ASH1L: variants seen among roughly 807,000 people sequenced by gnomAD.
The protein encoded by ASH1L is histone-lysine N-methyltransferase ASH1L.
ASH1L carries 23 observed loss-of-function variants against 269.0 expected under a neutral mutation model. The ratio of observed to expected loss-of-function variants is 0.09; its 90% confidence interval spans 0.06 to 0.12. The LOEUF (loss-of-function observed/expected upper bound fraction) is 0.12. ASH1L is among the 10% of genes least tolerant of loss of function. ASH1L has a pLI of 1.00. For synonymous variants in ASH1L, 1,187 were observed against 1,253.5 expected (o/e 0.95, Z 1.12); for missense variants, 2,912 against 3,567.8 (o/e 0.82, Z 4.68).
rs185392232 is a variant in ASH1L, at chr1:155,349,532, G to T, written c.7421+10C>A. 4.5e-3 allele frequency: 7,314 copies of T among 1,614,044 alleles called. 24 individuals are homozygous for T. The highest frequency in any genetic ancestry group is 5.0e-3 in the Non-Finnish European group (5,910 of 1,180,000). On this transcript the variant is annotated intron_variant, in intron 18 of 27. Transcript: ENST00000392403. ...AAAAACTCAGATGATTCCCACAAAT[G>T]TGAACCTACTTTTTCTTTGGGGGAA...
chr1:155,441,320 C>T (rs926262221), intron 4 of ASH1L, among the ~76,000 whole-genome samples: 11 of 151,800 alleles, frequency 7.2e-5, no homozygotes, highest in African/African-American at 2.2e-4. Context: ...ACCCCGGCCC[C>T]GCCACAAGCC....
Position 155,562,356 on chromosome 1 carries a change from G to A in ASH1L, c.-303C>T, listed in dbSNP as rs540065846. 3.9e-6 allele frequency: 6 copies of A among 1,532,924 alleles called. No homozygotes were observed. The highest frequency in any genetic ancestry group is 1.4e-5 in the African/African-American group (1 of 73,196). 95.0% of individuals were successfully genotyped at this position (1,532,924 alleles called of 1,614,324 possible). On this transcript the variant is annotated 5_prime_UTR_variant, in exon 1 of 28. Coordinates refer to ENST00000392403, the MANE Select transcript of ASH1L (RefSeq NM_018489.3). The stretch of plus-strand genomic sequence containing the variant: ...GAAGGCTAAAGGGGGCAAACTGAGG[G>A]GAGGCGGGTCCCGCAACCGAGACTG...
At position 155,360,451 on chromosome 1, in the gene ASH1L, T is replaced by G. The variant is rs764446695; in HGVS notation, c.6687-42A>C. 3 of 1,404,656 alleles carry G rather than the reference T, an allele frequency of 2.1e-6. No individual in the cohort carries two copies. The African/African-American group carries it at 4.3e-5, about 20-fold the overall frequency. The allele number at this position is 1,404,656 out of a possible 1,614,324, so 87.0% of individuals were successfully genotyped here. On this transcript the variant is annotated intron_variant, in intron 12 of 27. Coordinates refer to ENST00000392403, the MANE Select transcript of ASH1L (RefSeq NM_018489.3). ...CAGAGTTATAAAGGCTGGAAATTTT[T>G]TTTTTTTTTTGAGACGGAGTCTCCC...
At chr1:155,340,444 G>A (rs1396803607) in intron 25 of ASH1L, among the ~76,000 whole-genome samples, 1 of 152,098 alleles carries the variant, frequency 6.6e-6, no homozygotes, top group African/African-American at 2.4e-5. Context: ...GCCTCCCAAA[G>A]TTCTGGGATT....
intron 5 of ASH1L, among the ~76,000 whole-genome samples, chr1:155,436,738 G>A (rs1032920821): frequency 6.7e-6 from 1 of 149,224 alleles, no homozygotes; most frequent in African/African-American, 2.5e-5. Flanking sequence ...CTCGTGATCC[G>A]CCCACCTTGG....
At chr1:155,338,057 T>G in intron 27 of ASH1L, 32 bp downstream of exon 27, 1 of 1,594,888 alleles carries the variant, frequency 6.3e-7, no homozygotes, top group Non-Finnish European at 8.6e-7. Flanking sequence ...GCATTTATCT[T>G]AAACCCTAGA....
At chr1:155,543,003 T>C (rs1670541114) in intron 1 of ASH1L, among the ~76,000 whole-genome samples, 1 of 151,168 alleles carries the variant, frequency 6.6e-6, no homozygotes, top group African/African-American at 2.5e-5. Context: ...TGTTATTACT[T>C]TTTTTTTAAA....
In ASH1L at chr1:155,352,711, T is replaced by C. The variant is rs2148354522; in HGVS notation, c.7361A>G (p.Tyr2454Cys). The part of the protein sequence containing the change: ...FKEICDGIIS[Y>C]KDSSRQALAA... ...TTGAAGGTGGTTATAGTCACCTTTATAAGAGATGATACCATCACAAATTTC... is the reference window on the plus strand; with the variant it reads ...TTGAAGGTGGTTATAGTCACCTTTACAAGAGATGATACCATCACAAATTTC... The change falls in exon 17 of 28, where the codon TAT (tyrosine) becomes TGT (cysteine). Residue 2454 changes from tyrosine (Y) to cysteine (C), a missense_variant. Transcript: ENST00000392403. The C allele has an allele frequency of 3.7e-6, 6 of 1,601,248 alleles. No homozygotes were observed. Among genetic ancestry groups the C allele is most frequent in the Non-Finnish European group, 5.1e-6 (6 of 1,176,506 alleles).
At position 155,343,481 on chromosome 1, in the gene ASH1L, T is replaced by A; in HGVS notation, c.8126A>T (p.Glu2709Val). 1 of 1,613,950 alleles carries A rather than the reference T, an allele frequency of 6.2e-7. No individual in the cohort carries two copies. The highest frequency in any genetic ancestry group is 1.1e-5 in the South Asian group (1 of 91,050). ...IEKLWKNEKE[E>V]RFAFGHHYFR... ...ATAATGGTGACCAAAGGCAAACCGT[T>A]CCTCTCTAAAACAATGGAAAAGTGA... The change falls in exon 24 of 28, where the codon GAA becomes GTA. Residue 2709 changes from glutamate (E) to valine (V), a missense_variant. Glu to Val is a moderately radical substitution (Grantham distance 121). Transcript: ENST00000392403. This position sits in a 1 kb window ranked among gnomAD's most constrained non-coding sequence, Gnocchi z 6.1.
intron 12 of ASH1L, among the ~76,000 whole-genome samples, chr1:155,366,828 C>T (rs1436508065): frequency 1.3e-5 from 2 of 151,988 alleles, no homozygotes; most frequent in Non-Finnish European, 2.9e-5. Context: ...TGTGCCACCA[C>T]AACCAGCTAA....
chr1:155,477,984 T>C lies in ASH1L; in HGVS notation c.4886A>G (p.Asp1629Gly). The change falls in exon 3 of 28, where the codon GAC (aspartate) becomes GGC (glycine). Residue 1629 changes from aspartate to glycine, a missense_variant. Asp to Gly is a moderately conservative substitution (Grantham distance 94). This residue lies in a region of ASH1L where 789 missense variants were observed against 897.6 expected (regional missense o/e 0.88). Coordinates refer to ENST00000392403, the MANE Select transcript of ASH1L (RefSeq NM_018489.3). The stretch of plus-strand genomic sequence containing the variant: ...CTGTGCAGAAAAGAGTCCAGGGCTG[T>C]CAGTTAATTTCTTCCGGCCACTGGA... ...PNSSGRKKLTDSPGLFSAQDT... is the reference protein window; with the variant it reads ...PNSSGRKKLTGSPGLFSAQDT... The C allele has an allele frequency of 1.2e-6, 2 of 1,614,226 alleles. No homozygotes were observed. Among genetic ancestry groups the C allele is most frequent in the East Asian group, 2.2e-5 (1 of 44,880 alleles).
intron 7 of ASH1L, among the ~76,000 whole-genome samples, chr1:155,394,174 T>G (rs1658172619): frequency 6.6e-6 from 1 of 152,152 alleles, no homozygotes; most frequent in Non-Finnish European, 1.5e-5. Context: ...AAAGAGCTTT[T>G]CAGGCAATGG....
intron 6 of ASH1L, chr1:155,396,808 A>C (rs915537300): frequency 6.6e-6 from 1 of 151,440 alleles, no homozygotes; most frequent in Non-Finnish European, 1.5e-5. Flanking sequence ...CTAAAAATAC[A>C]AAAATTAGCT....
intron 5 of ASH1L, chr1:155,419,463 A>G (rs1221272072): frequency 6.6e-6 from 1 of 152,168 alleles, no homozygotes; most frequent in Non-Finnish European, 1.5e-5. Context: ...CCCTGGTGCA[A>G]GAATGATATG....
At chr1:155,552,450 G>C (rs1267632789) in intron 1 of ASH1L, among the ~76,000 whole-genome samples, 1 of 150,784 alleles carries the variant, frequency 6.6e-6, no homozygotes, top group Non-Finnish European at 1.5e-5. Flanking sequence ...TAGCCGACAA[G>C]AGTGAGACTC....
At chr1:155,459,740 T>G in intron 4 of ASH1L, 57 bp downstream of exon 4, 1 of 1,377,072 alleles carries the variant, frequency 7.3e-7, no homozygotes. Context: ...AACTCCTTAT[T>G]CACAAATAAC....
chr1:155,375,197 G>C (rs1306378646), intron 10 of ASH1L, among the ~76,000 whole-genome samples: 1 of 152,084 alleles, frequency 6.6e-6, no homozygotes, highest in East Asian at 1.9e-4. Flanking sequence ...ATAAATAAAA[G>C]AGTGCTCAGA....
chr1:155,437,649 C>T (rs1279443599), intron 5 of ASH1L, among the ~76,000 whole-genome samples: 2 of 152,158 alleles, frequency 1.3e-5, no homozygotes, highest in Admixed American at 6.5e-5. Flanking sequence ...TATTTGTATA[C>T]CCGCTGTCAT....
chr1:155,425,174 G>C (rs547731575), intron 5 of ASH1L, among the ~76,000 whole-genome samples: 3 of 152,000 alleles, frequency 2.0e-5, no homozygotes, highest in Non-Finnish European at 4.4e-5. Context: ...CACCATGTTG[G>C]TCAGGCTGGT....
Sources: allele counts gnomAD v4.1 joint callset (sites outside exome capture counted in the v4.1 genomes callset), GRCh38; gene constraint gnomAD v4.1.1; regional missense constraint gnomAD v4.1.1; non-coding constraint Gnocchi (gnomAD v3.1); transcripts MANE v1.5; gene names NCBI Gene and HGNC (gene_info 2026-07-23, HGNC 2026-07-21).